LGSN: variants seen among roughly 807,000 people sequenced by gnomAD.
The protein encoded by LGSN is lengsin.
Under a neutral mutation model 19.5 loss-of-function variants are expected in LGSN, and 21 were observed. The ratio of observed to expected loss-of-function variants is 1.07; its 90% CI spans 0.76 to 1.55. The LOEUF (loss-of-function observed/expected upper bound fraction) is 1.55. Ranked by LOEUF, LGSN falls within the 40% of genes most tolerant of loss-of-function variation. LGSN has a pLI of 0.00. For synonymous variants in LGSN, 257 were observed against 215.6 expected (o/e 1.19, Z -1.68); for missense variants, 673 against 608.5 (o/e 1.11, Z -1.12).
the LGSN span, chr6:63,479,991 T>A: frequency 1.3e-5 from 2 of 152,286 alleles, no homozygotes; most frequent in African/African-American, 4.8e-5. Flanking sequence ...CACATTTTAG[T>A]GGGGGCCTTT....
chr6:63,494,631 C>A, the LGSN span, among the ~76,000 whole-genome samples: 1 of 152,108 alleles, frequency 6.6e-6, no homozygotes, highest in Non-Finnish European at 1.5e-5. Flanking sequence ...TATTCTACTT[C>A]TTTTTATTCT....
chr6:63,530,744 T>A, the LGSN span, among the ~76,000 whole-genome samples: 6 of 152,210 alleles, frequency 3.9e-5, no homozygotes, highest in Non-Finnish European at 7.4e-5. Context: ...TCTAGAGGCA[T>A]ACCTGAATTC....
At chr6:63,411,628 C>T in the LGSN span, among the ~76,000 whole-genome samples, 1 of 152,034 alleles carries the variant, frequency 6.6e-6, no homozygotes, top group Non-Finnish European at 1.5e-5. Context: ...TCCTTTGAGC[C>T]CAGGAGTTTG....
chr6:63,511,303 A>C, the LGSN span, among the ~76,000 whole-genome samples: 2 of 146,980 alleles, frequency 1.4e-5, no homozygotes, highest in Admixed American at 7.0e-5. Context: ...GCCCAGGCTG[A>C]AGTGCAGTGG....
At chr6:63,398,355 G>C in the LGSN span, among the ~76,000 whole-genome samples, 1 of 152,018 alleles carries the variant, frequency 6.6e-6, no homozygotes, top group Non-Finnish European at 1.5e-5. Context: ...GAAAAAATGT[G>C]GAGGAGGAAG....
chr6:63,477,687 C>CTTTTTTTTTTTTTTTTTTTTTTTTTTTTT, the LGSN span, among the ~76,000 whole-genome samples: 13 of 61,048 alleles, frequency 2.1e-4, 2 homozygotes, highest in Non-Finnish European at 2.9e-4. Flanking sequence ...TTCTTTTTTT[C>CTTTTTTTTTTTTTTTTTTTTTTTTTTTTT]TTTTTTTTTT....
chr6:63,489,365 G>GTATT, the LGSN span, among the ~76,000 whole-genome samples: 1 of 152,158 alleles, frequency 6.6e-6, no homozygotes, highest in East Asian at 1.9e-4. Context: ...GTATTTTATT[G>GTATT]TATTTATTTA....
At chr6:63,326,044 T>G in the LGSN span, among the ~76,000 whole-genome samples, 1 of 152,084 alleles carries the variant, frequency 6.6e-6, no homozygotes, top group South Asian at 2.1e-4. Context: ...ATCCCTGAGC[T>G]CGACACAAAG....
chr6:63,337,256 TACA>T, the LGSN span, among the ~76,000 whole-genome samples: 5 of 151,282 alleles, frequency 3.3e-5, no homozygotes, highest in Non-Finnish European at 7.4e-5. Flanking sequence ...TTTCCTAAAA[TACA>T]AAAAGCCAGC....
At chr6:63,371,659 A>G in the LGSN span, among the ~76,000 whole-genome samples, 6 of 152,220 alleles carry the variant, frequency 3.9e-5, no homozygotes, top group African/African-American at 1.4e-4. Flanking sequence ...TTACCTATAA[A>G]TGAGAACCAG....
chr6:63,404,324 A>G, the LGSN span, among the ~76,000 whole-genome samples: 12 of 152,176 alleles, frequency 7.9e-5, no homozygotes, highest in African/African-American at 2.9e-4. Flanking sequence ...AAAAATACAA[A>G]TTACCAAAGC....
At chr6:63,349,742 G>T in the LGSN span, among the ~76,000 whole-genome samples, 23 of 152,256 alleles carry the variant, frequency 1.5e-4, no homozygotes, top group African/African-American at 5.1e-4. Flanking sequence ...AATAAAAAGG[G>T]CTTAAAATAA....
At chr6:63,358,458 CCATGAG>C in the LGSN span, among the ~76,000 whole-genome samples, 1 of 152,102 alleles carries the variant, frequency 6.6e-6, no homozygotes, top group African/African-American at 2.4e-5. Flanking sequence ...TTCTTCCTAC[CCATGAG>C]CATGGAATGT....
the LGSN span, among the ~76,000 whole-genome samples, chr6:63,439,775 AC>A: frequency 6.6e-6 from 1 of 151,938 alleles, no homozygotes; most frequent in Non-Finnish European, 1.5e-5. Context: ...TTTAAGTCCC[AC>A]CCCACTGCAT....
the LGSN span, among the ~76,000 whole-genome samples, chr6:63,393,170 G>C: frequency 1.4e-5 from 2 of 143,804 alleles, no homozygotes; most frequent in African/African-American, 5.2e-5. Context: ...TACAGGCTGA[G>C]CCACCGCGCC....
At chr6:63,527,384 C>T in the LGSN span, among the ~76,000 whole-genome samples, 1 of 152,084 alleles carries the variant, frequency 6.6e-6, no homozygotes, top group Non-Finnish European at 1.5e-5. Flanking sequence ...AGAATATTGA[C>T]CAATAAGTGC....
the LGSN span, among the ~76,000 whole-genome samples, chr6:63,340,052 A>G: frequency 6.6e-6 from 1 of 152,110 alleles, no homozygotes; most frequent in East Asian, 1.9e-4. Context: ...CTTCTTAACT[A>G]GCAGGGTGTT....
At chr6:63,394,026 G>C in the LGSN span, among the ~76,000 whole-genome samples, 2 of 152,186 alleles carry the variant, frequency 1.3e-5, no homozygotes, top group Non-Finnish European at 2.9e-5. Flanking sequence ...CCAGCACTTT[G>C]GGAGGCCGAG....
At chr6:63,291,318 T>G (rs944057248) in intron 2 of LGSN, among the ~76,000 whole-genome samples, 3 of 152,164 alleles carry the variant, frequency 2.0e-5, no homozygotes, top group Admixed American at 2.0e-4. Flanking sequence ...ACCTGGCTCC[T>G]TGTCCGGAGT....
Sources: allele counts gnomAD v4.1 joint callset (sites outside exome capture counted in the v4.1 genomes callset), GRCh38; gene constraint gnomAD v4.1.1; transcripts MANE v1.5; gene names NCBI Gene and HGNC (gene_info 2026-07-23, HGNC 2026-07-21).